Variants in PDCD6IP observed in about 807,000 individuals in gnomAD.
PDCD6IP encodes the protein programmed cell death 6-interacting protein.
A neutral mutation model predicts 103.7 loss-of-function variants in PDCD6IP; 43 were observed. The ratio of observed to expected loss-of-function variants is 0.41; its 90% confidence interval spans 0.32 to 0.53. The LOEUF (loss-of-function observed/expected upper bound fraction) is 0.53. Among genes scored for constraint, PDCD6IP ranks in the 20% least tolerant of loss-of-function variants. The probability of loss-of-function intolerance (pLI) is 0.16; values close to 1 mark genes in which losing one functional copy is unlikely to be tolerated. For missense variants in PDCD6IP, 871 were observed against 1,036.7 expected (o/e 0.84, Z 2.20); for synonymous variants, 354 against 378.7 (o/e 0.93, Z 0.76).
intron 3 of PDCD6IP, among the ~76,000 whole-genome samples, chr3:33,815,676 C>T (rs2125549249): frequency 6.6e-6 from 1 of 152,230 alleles, no homozygotes; most frequent in South Asian, 2.1e-4. Flanking sequence ...GACTACCAGT[C>T]AGAAGGAAGA....
intron 12 of PDCD6IP, among the ~76,000 whole-genome samples, chr3:33,848,916 T>G (rs1697656068): frequency 6.6e-6 from 1 of 152,150 alleles, no homozygotes; most frequent in Admixed American, 6.5e-5. Context: ...TGAAAAAAAG[T>G]CAAAAGAATG....
chr3:33,862,037 G>C (rs562315587), intron 15 of PDCD6IP, among the ~76,000 whole-genome samples: 35 of 152,018 alleles, frequency 2.3e-4, no homozygotes, highest in African/African-American at 7.7e-4. Context: ...TTTATAAGTG[G>C]CTAGGAAATT....
rs149155584 is a variant in PDCD6IP, at chr3:33,865,289, C to T, written c.2291C>T (p.Pro764Leu). ...GCCAGGCCTCCACCACCTGTGCTTC[C>T]AGCAAATCGAGCTCCTTCTGCTACT... ...PPARPPPPVL[P>L]ANRAPSATAP... The change falls in exon 17 of 18, where the codon CCA (proline) becomes CTA (leucine). Residue 764 changes from proline to leucine, a missense_variant. This residue lies in a region of PDCD6IP where 202 missense variants were observed against 205.2 expected (regional missense o/e 0.98). Coordinates refer to ENST00000307296, the MANE Select transcript of PDCD6IP (RefSeq NM_013374.6). 1.9e-6 allele frequency: 3 copies of T among 1,589,902 alleles called. No homozygotes were observed. The highest frequency in any genetic ancestry group is 1.4e-5 in the African/African-American group (1 of 73,008).
intron 1 of PDCD6IP, among the ~76,000 whole-genome samples, chr3:33,802,810 G>A (rs1484055323): frequency 6.6e-6 from 1 of 152,076 alleles, no homozygotes; most frequent in Admixed American, 6.5e-5. Flanking sequence ...GTTTTTTTGA[G>A]AGTGAACCTA....
rs1230126848 is a variant in PDCD6IP, at chr3:33,867,187, C to T, written c.*662C>T. On this transcript the variant is annotated 3_prime_UTR_variant, in exon 18 of 18. Transcript: ENST00000307296. ...AAGAATATTATCATACTTTATCTTT[C>T]GTATGCTGATTAGTAAACGATTTTT... 7 of 152,142 alleles carry T rather than the reference C, an allele frequency of 4.6e-5. No individual in the cohort carries two copies. The highest frequency in any genetic ancestry group is 2.0e-4 in the Admixed American group (3 of 15,276). 9.4% of individuals were successfully genotyped at this position (152,142 alleles called of 1,614,324 possible). A position where few individuals can be genotyped will look rare whatever the true frequency, so the allele number is the denominator to read the frequency against.
Position 33,867,796 on chromosome 3 carries a change from C to A in PDCD6IP, c.*1271C>A, listed in dbSNP as rs1052086826. Reference sequence around the variant, plus strand: ...TTTCTGAACACATTAGGCATATGAGCAGATTTCCAGTGAATCTATTTATGT... The same window carrying A: ...TTTCTGAACACATTAGGCATATGAGAAGATTTCCAGTGAATCTATTTATGT... On this transcript the variant is annotated 3_prime_UTR_variant, in exon 18 of 18. Transcript: ENST00000307296. 2.0e-5 allele frequency: 3 copies of A among 152,212 alleles called. No individual in the cohort carries two copies. The highest frequency in any genetic ancestry group is 7.2e-5 in the African/African-American group (3 of 41,454). 9.4% of individuals were successfully genotyped at this position (152,212 alleles called of 1,614,324 possible).
rs556382161 is a variant in PDCD6IP, at chr3:33,867,852, C to T, written c.*1327C>T. 6.6e-6 allele frequency: 1 copy of T among 152,276 alleles called. No individual in the cohort carries two copies. The highest frequency in any genetic ancestry group is 1.5e-5 in the Non-Finnish European group (1 of 68,006). 9.4% of individuals were successfully genotyped at this position (152,276 alleles called of 1,614,324 possible). A position where few individuals can be genotyped will look rare whatever the true frequency, so the allele number is the denominator to read the frequency against. On this transcript the variant is annotated 3_prime_UTR_variant, in exon 18 of 18. Coordinates refer to ENST00000307296, the MANE Select transcript of PDCD6IP (RefSeq NM_013374.6). The stretch of plus-strand genomic sequence containing the variant: ...TTCTGAGTTTCAACGCTGACCTTTT[C>T]TTGCATTATTGTTTCATTTTAATGA...
In PDCD6IP at chr3:33,836,116, A is replaced by G; in HGVS notation, c.907A>G (p.Lys303Glu). ...TGTTAATGTGAAGGATTTTTCTGAC[A>G]AAATCAATCGTGCCCTTGCTGCAGC... is the stretch of plus-strand genomic sequence containing the variant. ...EYVNVKDFSD[K>E]INRALAAAKK... Residue 303 changes from lysine (K) to glutamate (E), a missense_variant, in exon 8 of 18, where the codon AAA (lysine) becomes GAA (glutamate). Physicochemically the swap from Lys to Glu is moderately conservative, Grantham distance 56 (BLOSUM62 1). Coordinates refer to ENST00000307296, the MANE Select transcript of PDCD6IP (RefSeq NM_013374.6). 2 of 1,612,846 alleles carry G rather than the reference A, an allele frequency of 1.2e-6. No individual in the cohort carries two copies. The highest frequency in any genetic ancestry group is 1.7e-6 in the Non-Finnish European group (2 of 1,178,844).
intron 1 of PDCD6IP, among the ~76,000 whole-genome samples, chr3:33,800,728 A>G (rs1575893216): frequency 1.3e-5 from 2 of 152,330 alleles, no homozygotes; most frequent in African/African-American, 2.4e-5. Context: ...AGGATTTTCC[A>G]TTAGTAATAT....
chr3:33,809,404 A>G (rs889776776), intron 1 of PDCD6IP, among the ~76,000 whole-genome samples: 3 of 152,236 alleles, frequency 2.0e-5, no homozygotes, highest in Non-Finnish European at 4.4e-5. Flanking sequence ...AGGAGAGCCT[A>G]TAATTTAGTG....
intron 1 of PDCD6IP, among the ~76,000 whole-genome samples, chr3:33,806,863 G>T (rs1427467745): frequency 6.6e-6 from 1 of 152,208 alleles, no homozygotes; most frequent in African/African-American, 2.4e-5. Flanking sequence ...TTTGCTCATG[G>T]TAACTGCAGT....
chr3:33,836,102 A>G lies in PDCD6IP; in HGVS notation c.893A>G (p.Lys298Arg). The change falls in exon 8 of 18, where the codon AAG becomes AGG. Residue 298 changes from lysine to arginine, a missense_variant. By Grantham distance (26) the Lys-to-Arg change is conservative. Transcript: ENST00000307296. Reference protein sequence around the residue: ...ASRYDEYVNVKDFSDKINRAL... With the variant: ...ASRYDEYVNVRDFSDKINRAL... ...CGCTATGATGAATATGTTAATGTGA[A>G]GGATTTTTCTGACAAAATCAATCGT... The G allele has an allele frequency of 6.2e-7, 1 of 1,613,054 alleles. No homozygotes were observed.
chr3:33,842,904 G>A (rs1170518168), intron 10 of PDCD6IP, among the ~76,000 whole-genome samples: 1 of 152,116 alleles, frequency 6.6e-6, no homozygotes, highest in Non-Finnish European at 1.5e-5. Context: ...CATATTTCCT[G>A]TACTTATTTG....
At chr3:33,826,918 C>G (rs1697139931) in intron 6 of PDCD6IP, 2 of 1,027,114 alleles carry the variant, frequency 1.9e-6, no homozygotes, top group Admixed American at 5.3e-5. Context: ...AGCATGTATA[C>G]TTGAGCATGT....
chr3:33,849,460 C>G (rs530203758), intron 12 of PDCD6IP, among the ~76,000 whole-genome samples: 1 of 152,172 alleles, frequency 6.6e-6, no homozygotes, highest in African/African-American at 2.4e-5. Flanking sequence ...TCTCTGGTCC[C>G]CAAATGAAGG....
At chr3:33,838,463 A>G (rs569710853) in intron 9 of PDCD6IP, 136 bp downstream of exon 9, 2 of 767,542 alleles carry the variant, frequency 2.6e-6, no homozygotes, top group East Asian at 2.6e-5. Context: ...ACTTACAACT[A>G]TTTTTGTTGG....
intron 17 of PDCD6IP, 59 bp downstream of exon 17, chr3:33,865,489 A>G (rs1437774074): frequency 6.9e-6 from 10 of 1,439,886 alleles, no homozygotes; most frequent in Non-Finnish European, 9.3e-6. Flanking sequence ...GCTCTGGCTA[A>G]CCTGTTAAAA....
At chr3:33,846,597 T>G (rs1349565691) in intron 12 of PDCD6IP, among the ~76,000 whole-genome samples, 5 of 152,178 alleles carry the variant, frequency 3.3e-5, no homozygotes, top group Non-Finnish European at 7.3e-5. Flanking sequence ...AGAGGCTTCT[T>G]AAGAGATTGG....
intron 1 of PDCD6IP, among the ~76,000 whole-genome samples, chr3:33,804,396 A>G (rs1696545892): frequency 6.6e-6 from 1 of 152,250 alleles, no homozygotes; most frequent in Non-Finnish European, 1.5e-5. Flanking sequence ...TATTAGCACA[A>G]TGACGTTGCT....
Sources: gnomAD v4.1 joint callset for allele counts (sites outside exome capture counted in the v4.1 genomes callset) on GRCh38, gnomAD v4.1.1 for gene constraint, gnomAD v4.1.1 regional missense constraint, MANE v1.5 for transcripts, NCBI Gene and HGNC (gene_info 2026-07-23, HGNC 2026-07-21) for gene names.